Variants in ADK observed in about 807,000 individuals in gnomAD.
ADK encodes the protein N6,N6-dimethyladenosine kinase.
Under a neutral mutation model 44.7 loss-of-function variants are expected in ADK, and 24 were observed. The observed-to-expected ratio is 0.54, with a 90% CI of 0.39 to 0.76. ADK has a LOEUF of 0.76. Among genes scored for constraint, ADK ranks in the 30% least tolerant of loss-of-function variants. ADK has a pLI of 0.00. For synonymous variants in ADK, 128 were observed against 142.6 expected, an observed-to-expected ratio of 0.90 and a Z score of 0.73; for missense variants, 321 against 425.1, an observed-to-expected ratio of 0.76 and a Z score of 2.15.
At chr10:74,325,911 AGAGGTGCT>A (rs1282467530) in intron 4 of ADK, among the ~76,000 whole-genome samples, 3 of 151,766 alleles carry the variant, frequency 2.0e-5, no homozygotes, top group Non-Finnish European at 2.9e-5. Context: ...GCTGAGGTGC[AGAGGTGCT>A]CTACCTCCTG....
chr10:74,617,459 A>AT (rs1392577726), intron 9 of ADK, among the ~76,000 whole-genome samples: 2 of 151,944 alleles, frequency 1.3e-5, no homozygotes, highest in Non-Finnish European at 2.9e-5. Context: ...TTACTATATG[A>AT]TTTTTTCCCT....
Position 74,427,675 on chromosome 10 carries a change from G to A in ADK, c.555+29096G>A, listed in dbSNP as rs139812442. 3.4e-3 allele frequency among the ~76,000 whole-genome samples: 521 copies of A among 152,198 alleles called. 7 individuals are homozygous for A. Among genetic ancestry groups the A allele is most frequent in the African/African-American group, 0.012 (486 of 41,516 alleles). ...TCTGTGTACATATGGACATTTCTGT[G>A]TGTGTATGTATCTGTTGATGTGTGT... On this transcript the variant is annotated intron_variant, in intron 6 of 10. Transcript: ENST00000539909.
chr10:74,193,190 A>C (rs1382421122), intron 1 of ADK, among the ~76,000 whole-genome samples: 1 of 152,102 alleles, frequency 6.6e-6, no homozygotes, highest in South Asian at 2.1e-4. Flanking sequence ...TAGCCACTGT[A>C]TAGTGTCTAT....
intron 3 of ADK, among the ~76,000 whole-genome samples, chr10:74,310,486 C>T (rs1283488412): frequency 6.6e-6 from 1 of 152,128 alleles, no homozygotes; most frequent in Non-Finnish European, 1.5e-5. Flanking sequence ...TTTCATCCCT[C>T]TTCCACATCT....
intron 9 of ADK, among the ~76,000 whole-genome samples, chr10:74,649,107 G>T (rs532480004): frequency 1.3e-5 from 2 of 152,042 alleles, no homozygotes; most frequent in African/African-American, 2.4e-5. Flanking sequence ...CTTGAACCCC[G>T]GAGGTAGGGG....
intron 1 of ADK, among the ~76,000 whole-genome samples, chr10:74,200,204 C>T (rs1843323916): frequency 8.7e-6 from 1 of 115,580 alleles, no homozygotes; most frequent in African/African-American, 3.4e-5. Flanking sequence ...TTATTCTGGG[C>T]TGGGCACAGT....
At chr10:74,656,205 C>A in intron 9 of ADK, 1 of 226,580 alleles carries the variant, frequency 4.4e-6, no homozygotes, top group Non-Finnish European at 8.8e-6. Flanking sequence ...CTCTGCAACC[C>A]AGGAGAGGCC....
intron 3 of ADK, among the ~76,000 whole-genome samples, chr10:74,273,033 T>A (rs1441988425): frequency 6.6e-6 from 1 of 152,156 alleles, no homozygotes; most frequent in Non-Finnish European, 1.5e-5. Flanking sequence ...TAAAAATGGT[T>A]GAAACAGGAG....
chr10:74,578,398 ACTTAT>A (rs2133885293), intron 7 of ADK, among the ~76,000 whole-genome samples: 1 of 152,254 alleles, frequency 6.6e-6, no homozygotes, highest in African/African-American at 2.4e-5. Flanking sequence ...TATACATTTT[ACTTAT>A]CTTAAGGCTA....
intron 4 of ADK, among the ~76,000 whole-genome samples, chr10:74,344,361 A>G (rs1841688002): frequency 6.6e-6 from 1 of 152,198 alleles, no homozygotes; most frequent in African/African-American, 2.4e-5. Flanking sequence ...TTCATTGAAC[A>G]ATAAGACCTT....
intron 2 of ADK, among the ~76,000 whole-genome samples, chr10:74,212,029 C>A (rs1843832625): frequency 6.6e-6 from 1 of 152,142 alleles, no homozygotes; most frequent in Non-Finnish European, 1.5e-5. Flanking sequence ...TTCTGCTTCT[C>A]TCCTTCAAAA....
intron 6 of ADK, among the ~76,000 whole-genome samples, chr10:74,429,028 G>T (rs1844892783): frequency 6.6e-6 from 1 of 152,130 alleles, no homozygotes; most frequent in Non-Finnish European, 1.5e-5. Flanking sequence ...AAGAAAATGA[G>T]GTAAAAATGT....
chr10:74,584,178 C>T (rs748151408), intron 7 of ADK, among the ~76,000 whole-genome samples: 14 of 152,192 alleles, frequency 9.2e-5, no homozygotes, highest in Non-Finnish European at 1.6e-4. Context: ...ATATAATCCA[C>T]AGATGGGACA....
At chr10:74,432,723 T>G (rs1170652020) in intron 6 of ADK, among the ~76,000 whole-genome samples, 1 of 152,224 alleles carries the variant, frequency 6.6e-6, no homozygotes, top group African/African-American at 2.4e-5. Flanking sequence ...TTTAAGTTAC[T>G]CAAATTGTTA....
rs2131806553 is a variant in ADK, at chr10:74,708,685, A to T, written c.*240A>T. 2.6e-6 allele frequency: 1 copy of T among 379,670 alleles called. No individual in the cohort carries two copies. Among genetic ancestry groups the T allele is most frequent in the Non-Finnish European group, 4.9e-6 (1 of 203,820 alleles). The allele number at this position is 379,670 out of a possible 1,614,324, so 23.5% of individuals were successfully genotyped here. A position where few individuals can be genotyped will look rare whatever the true frequency, so the allele number is the denominator to read the frequency against. On this transcript the variant is annotated 3_prime_UTR_variant, in exon 11 of 11. Transcript: ENST00000539909. ...GTGCCACTTAAATGCCAATTAAACA[A>T]GAATATAACATTTCAATAGAAATTT...
chr10:74,420,238 G>A (rs1000038116), intron 6 of ADK, among the ~76,000 whole-genome samples: 6 of 152,030 alleles, frequency 3.9e-5, no homozygotes, highest in Non-Finnish European at 8.8e-5. Flanking sequence ...GGAAACTTTC[G>A]TACTCTGGTG....
intron 6 of ADK, among the ~76,000 whole-genome samples, chr10:74,490,937 T>G (rs991042898): frequency 1.3e-5 from 2 of 152,182 alleles, no homozygotes; most frequent in Admixed American, 6.6e-5. Flanking sequence ...GATCTGTGAT[T>G]ATTTTAACTT....
At chr10:74,258,947 G>GTTTTTTTTTTTTTTTTTTTT (rs141424052) in intron 3 of ADK, among the ~76,000 whole-genome samples, 1 of 96,128 alleles carries the variant, frequency 1.0e-5, no homozygotes, top group South Asian at 3.4e-4. Flanking sequence ...TTGTTTTTGT[G>GTTTTTTTTTTTTTTTTTTTT]TTTTTTTTTT....
chr10:74,561,553 T>G (rs142323822), intron 7 of ADK, among the ~76,000 whole-genome samples: 1 of 152,332 alleles, frequency 6.6e-6, no homozygotes, highest in East Asian at 1.9e-4. Flanking sequence ...TAAACTTTAT[T>G]TGTCTAATGT....
Sources: gnomAD v4.1 joint callset for allele counts (sites outside exome capture counted in the v4.1 genomes callset) on GRCh38, gnomAD v4.1.1 for gene constraint, MANE v1.5 for transcripts, NCBI Gene and HGNC (gene_info 2026-07-23, HGNC 2026-07-21) for gene names.